Variants in TMX3 observed in about 807,000 individuals in gnomAD.
TMX3 encodes protein disulfide-isomerase TMX3.
TMX3 carries 40 observed loss-of-function variants against 64.4 expected under a neutral mutation model. That is an observed-to-expected ratio of 0.62 (90% CI 0.48 to 0.81). TMX3 has a LOEUF of 0.81. Among genes scored for constraint, TMX3 ranks in the 30% least tolerant of loss-of-function variants. TMX3 has a pLI of 0.00. For synonymous variants in TMX3, 189 were observed against 175.7 expected (o/e 1.08, Z -0.60); for missense variants, 497 against 534.5 (o/e 0.93, Z 0.69).
intron 8 of TMX3, 80 bp from the exon 9 acceptor site, chr18:68,691,441 T>C: frequency 1.1e-6 from 1 of 930,974 alleles, no homozygotes; most frequent in Non-Finnish European, 1.5e-6. Context: ...AGTCTTGAGA[T>C]ACCAGAAAAC....
chr18:68,709,929 CAA>C (rs111306573), intron 4 of TMX3, 90 bp downstream of exon 4: 3 of 1,259,618 alleles, frequency 2.4e-6, no homozygotes, highest in East Asian at 5.2e-5. Context: ...TTTACATGAG[CAA>C]AAAAAAGTCT....
chr18:68,693,643 C>T (rs1914758452), intron 8 of TMX3, among the ~76,000 whole-genome samples: 1 of 152,068 alleles, frequency 6.6e-6, no homozygotes, highest in African/African-American at 2.4e-5. Context: ...CATTGACAAG[C>T]GTGGGAGGGA....
At chr18:68,678,552 T>C (rs2145003268) in intron 15 of TMX3, among the ~76,000 whole-genome samples, 1 of 152,142 alleles carries the variant, frequency 6.6e-6, no homozygotes, top group South Asian at 2.1e-4. Flanking sequence ...AAGGAGAATG[T>C]CAAGGAAAGG....
intron 2 of TMX3, among the ~76,000 whole-genome samples, chr18:68,713,525 T>G (rs925238762): frequency 4.6e-5 from 7 of 152,226 alleles, no homozygotes; most frequent in African/African-American, 1.4e-4. Context: ...GGCTGATTAA[T>G]GCTGTCATAC....
chr18:68,698,080 C>T, intron 6 of TMX3, 49 bp from the exon 7 acceptor site: 1 of 1,219,820 alleles, frequency 8.2e-7, no homozygotes, highest in Non-Finnish European at 1.2e-6. Flanking sequence ...AACTAAAGTA[C>T]ATAATTTACT....
rs1912952315 is a variant in TMX3 at position 68,676,687 on chromosome 18, GTT to G, written c.*244_*245del. 2.0e-6 allele frequency: 1 copy of G among 511,682 alleles called. No individual in the cohort carries two copies. The highest frequency in any genetic ancestry group is 3.6e-5 in the Admixed American group (1 of 28,102). The allele number at this position is 511,682 out of a possible 1,614,324, so 31.7% of individuals were successfully genotyped here. ...AGAAACATGCAAATAGAATTGTTCTGTTCTAATCACAAAGATCAGGTAAATTT... is the reference window on the plus strand; with the variant it reads ...AGAAACATGCAAATAGAATTGTTCTGCTAATCACAAAGATCAGGTAAATTT... On this transcript the variant is annotated 3_prime_UTR_variant, in exon 16 of 16. Coordinates refer to ENST00000299608, the MANE Select transcript of TMX3 (RefSeq NM_019022.5).
At chr18:68,704,157 CATAGAAGAT>C (rs2030418984) in intron 4 of TMX3, among the ~76,000 whole-genome samples, 1 of 152,064 alleles carries the variant, frequency 6.6e-6, no homozygotes, top group African/African-American at 2.4e-5. Context: ...GAGTCTAGCA[CATAGAAGAT>C]TCTTAAATGC....
intron 8 of TMX3, among the ~76,000 whole-genome samples, chr18:68,694,524 G>A (rs537898930): frequency 2.8e-4 from 43 of 152,220 alleles, no homozygotes; most frequent in African/African-American, 8.7e-4. Context: ...TGCCTCGCTC[G>A]TCCTTGGCAG....
Position 68,701,842 on chromosome 18 carries a change from C to T in TMX3, c.266-52G>A, listed in dbSNP as rs770342758. 4.1e-6 allele frequency: 6 copies of T among 1,463,744 alleles called. No individual in the cohort carries two copies. In the African/African-American group the frequency reaches 7.1e-5, roughly 17 times the overall value. 90.7% of individuals were successfully genotyped at this position (1,463,744 alleles called of 1,614,324 possible). A position where few individuals can be genotyped will look rare whatever the true frequency, so the allele number is the denominator to read the frequency against. ...CTAAATTTTTTTTAAATATGAGAAA[C>T]TAGGTAACAAATGAGGCTTTTACTT... On this transcript the variant is annotated intron_variant, in intron 4 of 15. Coordinates refer to ENST00000299608, the MANE Select transcript of TMX3 (RefSeq NM_019022.5).
At chr18:68,683,300 T>C (rs1913625277) in intron 12 of TMX3, among the ~76,000 whole-genome samples, 1 of 152,050 alleles carries the variant, frequency 6.6e-6, no homozygotes, top group Admixed American at 6.6e-5. Context: ...AAAATTCCTA[T>C]TTTCTCTAAA....
At position 68,714,926 on chromosome 18, in the gene TMX3, C is replaced by T. The variant is rs1348628547; in HGVS notation, c.46+10G>A. On this transcript the variant is annotated intron_variant, in intron 1 of 15. Transcript: ENST00000299608. ...GCCCGCCAGCGTCCCGACCGCTGAG[C>T]CCCCATTACCTGTGGCGCAGAGCCG... The T allele has an allele frequency of 1.9e-6, 3 of 1,558,954 alleles. No homozygotes were observed. The highest frequency in any genetic ancestry group is 3.8e-5 in the Admixed American group (2 of 52,772).
At chr18:68,707,303 G>A (rs898812253) in intron 4 of TMX3, among the ~76,000 whole-genome samples, 1 of 151,846 alleles carries the variant, frequency 6.6e-6, no homozygotes, top group South Asian at 2.1e-4. Flanking sequence ...GGATGGTGGA[G>A]GTTTATCCAT....
Position 68,691,348 on chromosome 18 carries a change from T to C in TMX3, c.584A>G (p.Lys195Arg), listed in dbSNP as rs771062515. The C allele has an allele frequency of 6.4e-7, 1 of 1,562,182 alleles. No individual in the cohort carries two copies. The highest frequency in any genetic ancestry group is 8.7e-7 in the Non-Finnish European group (1 of 1,149,766). Residue 195 changes from lysine (K) to arginine (R), a missense_variant, in exon 9 of 16, where the codon AAA becomes AGA. By Grantham distance (26) the Lys-to-Arg change is conservative (BLOSUM62 2). Transcript: ENST00000299608. ...GAAAACAAGCACAGCTGGCATCTCTTTTAGTGTCACATACTGCAAAAAATC... is the reference window on the plus strand; with the variant it reads ...GAAAACAAGCACAGCTGGCATCTCTCTTAGTGTCACATACTGCAAAAAATC... ...EEVVPEYVTLKEMPAVLVFKD... is the reference protein window; with the variant it reads ...EEVVPEYVTLREMPAVLVFKD...
intron 13 of TMX3, among the ~76,000 whole-genome samples, chr18:68,682,334 T>C (rs1217675336): frequency 6.6e-6 from 1 of 152,200 alleles, no homozygotes; most frequent in African/African-American, 2.4e-5. Context: ...ATCAGTCTTG[T>C]GAAGTGGCAA....
chr18:68,683,216 G>C (rs1473893667), intron 12 of TMX3, among the ~76,000 whole-genome samples: 1 of 152,016 alleles, frequency 6.6e-6, no homozygotes, highest in African/African-American at 2.4e-5. Flanking sequence ...GAAATTCTAA[G>C]ACATTTCTAC....
intron 9 of TMX3, among the ~76,000 whole-genome samples, chr18:68,690,597 TA>T (rs1269112768): frequency 2.0e-5 from 3 of 152,180 alleles, no homozygotes; most frequent in African/African-American, 4.8e-5. Context: ...TATCTAAAAA[TA>T]AAAAGTCTAC....
rs1393244979 is a variant in TMX3, at chr18:68,692,665, T to C, written c.571-1304A>G. The stretch of plus-strand genomic sequence containing the variant: ...CCTCATATTATTGTGAAGTAACTAT[T>C]ATTTCCCCTAGCAGACTTTTCCAAA... On this transcript the variant is annotated intron_variant, in intron 8 of 15. Transcript: ENST00000299608. Among the ~76,000 whole-genome samples, 3 of 152,160 alleles carry C rather than the reference T, an allele frequency of 2.0e-5. No homozygotes were observed. In the East Asian group the frequency reaches 5.8e-4, roughly 29 times the overall value.
At chr18:68,708,400 T>G (rs2030937707) in intron 4 of TMX3, among the ~76,000 whole-genome samples, 1 of 152,186 alleles carries the variant, frequency 6.6e-6, no homozygotes, top group African/African-American at 2.4e-5. Flanking sequence ...ACTGATATTT[T>G]GTATATACCC....
rs139944394 is a variant in TMX3, at chr18:68,713,903, GA to G, written c.47-4del. The G allele has an allele frequency of 1.4e-4, 223 of 1,540,352 alleles. No homozygotes were observed. The highest frequency in any genetic ancestry group is 3.6e-4 in the Admixed American group (20 of 55,080). ...GACGACCATATCAAGTACAACAACT[GA>G]AAAAAAAAGACAAAATGTACACAAT... On this transcript the variant is annotated splice_region_variant and splice_polypyrimidine_tract_variant and intron_variant, in intron 1 of 15. Transcript: ENST00000299608.
Sources: gnomAD v4.1 joint callset for allele counts (sites outside exome capture counted in the v4.1 genomes callset) on GRCh38, gnomAD v4.1.1 for gene constraint, MANE v1.5 for transcripts, NCBI Gene and HGNC (gene_info 2026-07-23, HGNC 2026-07-21) for gene names.